CLIP2: variants seen among roughly 807,000 people sequenced by gnomAD.
CLIP2 encodes CAP-Gly domain-containing linker protein 2.
In CLIP2, 41 loss-of-function variants were observed where a neutral mutation model predicts 111.7. That is an observed-to-expected ratio of 0.37 (90% confidence interval 0.29 to 0.48). The LOEUF (loss-of-function observed/expected upper bound fraction) is 0.48, where lower values mean the gene tolerates loss of function less well. Among genes scored for constraint, CLIP2 ranks in the 20% least tolerant of loss-of-function variants. CLIP2 has a pLI of 0.99. For missense variants in CLIP2, 1,160 were observed against 1,422.1 expected (o/e 0.82, Z 2.96); for synonymous variants, 660 against 644.2 (o/e 1.02, Z -0.37).
chr7:74,383,950 G>A (rs1791012170), intron 11 of CLIP2, among the ~76,000 whole-genome samples: 1 of 152,080 alleles, frequency 6.6e-6, no homozygotes, highest in Non-Finnish European at 1.5e-5. Flanking sequence ...CTATCTCTGT[G>A]GATTTATCTA....
In CLIP2 at chr7:74,338,777, G is replaced by A; in HGVS notation, c.451G>A (p.Ala151Thr). 6.2e-7 allele frequency: 1 copy of A among 1,609,610 alleles called. No individual in the cohort carries two copies. The highest frequency in any genetic ancestry group is 2.2e-5 in the East Asian group (1 of 44,772). ...CTCCAAGCTGACCCGGCAGCCCACG[G>A]CCGAGGGCTCGGGGAGTGATGCCCA... Reference protein sequence around the residue: ...RPSKLTRQPTAEGSGSDAHSV... With the variant: ...RPSKLTRQPTTEGSGSDAHSV... The change falls in exon 3 of 17, where the codon GCC (alanine) becomes ACC (threonine). Residue 151 changes from alanine (A) to threonine (T), a missense_variant. Ala to Thr is a moderately conservative substitution (Grantham distance 58). This residue lies in a region of CLIP2 where 301 missense variants were observed against 315.2 expected (regional missense o/e 0.96). Coordinates refer to ENST00000223398, the MANE Select transcript of CLIP2 (RefSeq NM_003388.5). This position sits in a 1 kb window ranked among gnomAD's most constrained non-coding sequence, Gnocchi z 4.3.
intron 2 of CLIP2, among the ~76,000 whole-genome samples, chr7:74,326,591 C>T (rs555050779): frequency 1.3e-5 from 2 of 151,606 alleles, no homozygotes; most frequent in African/African-American, 4.8e-5. Context: ...CTCCTATATG[C>T]TATCCTCAGC....
At position 74,357,466 on chromosome 7, in the gene CLIP2, C is replaced by T. The variant is rs1554308712; in HGVS notation, c.1204C>T (p.Gln402Ter). ...VEKEIALLKA[Q>*]HEQYVAEAEE... The stretch of plus-strand genomic sequence containing the variant: ...GAAGGAGATTGCCCTGCTCAAGGCA[C>T]AGCATGAGCAGGTGAGTGGCAGGTG... The change falls in exon 6 of 17, where the codon CAG becomes TAG. Residue 402 changes from glutamine (Q) to a stop codon, truncating the protein, a stop_gained. Transcript: ENST00000223398. LOFTEE classifies it high-confidence loss of function. The T allele has an allele frequency of 1.2e-6, 2 of 1,612,314 alleles. No homozygotes were observed.
intron 2 of CLIP2, among the ~76,000 whole-genome samples, chr7:74,330,248 C>CTTTTTTTTTTTTTTTTTTTT (rs10635770): frequency 7.3e-6 from 1 of 136,470 alleles, no homozygotes; most frequent in Non-Finnish European, 1.6e-5. Context: ...TGTTTCTTTT[C>CTTTTTTTTTTTTTTTTTTTT]TTTTTTTTTT....
At chr7:74,330,318 G>A (rs1188428049) in intron 2 of CLIP2, among the ~76,000 whole-genome samples, 1 of 149,216 alleles carries the variant, frequency 6.7e-6, no homozygotes. Context: ...GTGCAGTGGC[G>A]CAATCTCGGC....
rs782577666 is a variant in CLIP2, at chr7:74,291,923, C to CTTTTT, written c.-68+2203_-68+2207dup. On this transcript the variant is annotated intron_variant, in intron 1 of 16. Transcript: ENST00000223398. Reference sequence around the variant, plus strand: ...CCACCCTGACAGTTGATCCTGCCCTCTTTTTTTTTTTTTTTTTTGAAATGG... The same window carrying CTTTTT: ...CCACCCTGACAGTTGATCCTGCCCTCTTTTTTTTTTTTTTTTTTTTTTTGAAATGG... Among the ~76,000 whole-genome samples the CTTTTT allele has an allele frequency of 3.7e-3, 491 of 132,818 alleles. 8 individuals are homozygous for CTTTTT. In the East Asian group the frequency reaches 0.042, roughly 11 times the overall value. The allele number at this position is 132,818 out of a possible 152,430, so 87.1% of individuals were successfully genotyped here.
chr7:74,337,267 C>G (rs1789500282), intron 2 of CLIP2, among the ~76,000 whole-genome samples: 1 of 151,990 alleles, frequency 6.6e-6, no homozygotes, highest in Non-Finnish European at 1.5e-5. Context: ...AGGGGGAGGC[C>G]CAGGAGAGAG....
intron 8 of CLIP2, among the ~76,000 whole-genome samples, chr7:74,369,854 C>CAAAA (rs58294211): frequency 1.1e-4 from 1 of 9,500 alleles, no homozygotes; most frequent in Non-Finnish European, 2.1e-4. Context: ...GACTCTGCCT[C>CAAAA]AAAAAAAAAA....
chr7:74,321,704 G>C (rs545952020), intron 2 of CLIP2, among the ~76,000 whole-genome samples: 2 of 151,924 alleles, frequency 1.3e-5, no homozygotes, highest in South Asian at 4.2e-4. Context: ...TCCTGGCCTT[G>C]TGATCCCCCC....
intron 1 of CLIP2, among the ~76,000 whole-genome samples, chr7:74,300,841 C>T (rs782551728): frequency 6.6e-5 from 10 of 152,174 alleles, no homozygotes; most frequent in Non-Finnish European, 1.2e-4. Context: ...TTGACGGACA[C>T]ATATGTTGAT....
chr7:74,306,222 C>T (rs1788484542), intron 1 of CLIP2, among the ~76,000 whole-genome samples: 2 of 152,074 alleles, frequency 1.3e-5, no homozygotes, highest in Admixed American at 6.5e-5. Flanking sequence ...GGGCTTGTGG[C>T]ATGTGGGCAG....
chr7:74,310,036 CAAAA>C (rs71094774), intron 1 of CLIP2, among the ~76,000 whole-genome samples: 1 of 92,490 alleles, frequency 1.1e-5, no homozygotes, highest in Non-Finnish European at 1.9e-5. Context: ...CCTGTCTCTA[CAAAA>C]AAAAAAAAAA....
chr7:74,335,900 G>A (rs1289126541), intron 2 of CLIP2, among the ~76,000 whole-genome samples: 2 of 150,600 alleles, frequency 1.3e-5, no homozygotes, highest in South Asian at 2.1e-4. Context: ...CCACCACCAC[G>A]CCTGACTAAT....
chr7:74,357,169 G>A (rs1410206759), intron 5 of CLIP2, 111 bp from the exon 6 acceptor site: 2 of 888,288 alleles, frequency 2.3e-6, no homozygotes, highest in African/African-American at 3.3e-5. Flanking sequence ...TGGGAGTCAA[G>A]GCACTTGGGC....
chr7:74,352,800 G>A (rs188043232), intron 3 of CLIP2, among the ~76,000 whole-genome samples: 35 of 151,914 alleles, frequency 2.3e-4, no homozygotes, highest in African/African-American at 2.4e-5. Context: ...CTTGAAGCCC[G>A]GAGTTCCAGA....
intron 9 of CLIP2, 98 bp from the exon 10 acceptor site, chr7:74,375,789 C>T (rs912503127): frequency 5.8e-6 from 6 of 1,041,474 alleles, no homozygotes; most frequent in South Asian, 3.4e-5. Flanking sequence ...CTGGTGCCCT[C>T]GAATGGACGC....
Position 74,400,800 on chromosome 7 carries a change from G to A in CLIP2, c.3066+245G>A, listed in dbSNP as rs1374789013. On this transcript the variant is annotated intron_variant, in intron 15 of 16. Transcript: ENST00000223398. ...GGAGGCAGCCCTGTCTCAGGAACCC[G>A]GGTCTGAATGGGGAGGTAGCTCTGT... 4.2e-5 allele frequency among the ~76,000 whole-genome samples: 6 copies of A among 143,646 alleles called. No homozygotes were observed. In the East Asian group the frequency reaches 1.1e-3, roughly 26 times the overall value. The allele number at this position is 143,646 out of a possible 152,430, so 94.2% of individuals were successfully genotyped here. A position where few individuals can be genotyped will look rare whatever the true frequency, so the allele number is the denominator to read the frequency against.
At chr7:74,332,423 A>C (rs1368374863) in intron 2 of CLIP2, among the ~76,000 whole-genome samples, 1 of 147,204 alleles carries the variant, frequency 6.8e-6, no homozygotes, top group Non-Finnish European at 1.5e-5. Context: ...GCTGGATTGC[A>C]GTGGTGGGAT....
At position 74,376,279 on chromosome 7, in the gene CLIP2, G is replaced by A; in HGVS notation, c.1878G>A (p.Lys626=). 6.2e-7 allele frequency: 1 copy of A among 1,613,402 alleles called. No individual in the cohort carries two copies. Among genetic ancestry groups the A allele is most frequent in the East Asian group, 2.2e-5 (1 of 44,854 alleles). ...KLDSLASDHQ[K]SLEDLKATLN... is the part of the protein sequence containing the mutation. ...ACTCGCTGGCCTCGGACCACCAGAAGTCCCTGGAGGACCTCAAAGCCACCC... is the reference window on the plus strand; with the variant it reads ...ACTCGCTGGCCTCGGACCACCAGAAATCCCTGGAGGACCTCAAAGCCACCC... Residue 626 remains lysine, a synonymous_variant, in exon 10 of 17, where the codon AAG becomes AAA. Transcript: ENST00000223398. This position sits in a 1 kb window ranked among gnomAD's most constrained non-coding sequence, Gnocchi z 7.1.
Sources: gnomAD v4.1 joint callset for allele counts (sites outside exome capture counted in the v4.1 genomes callset) on GRCh38, gnomAD v4.1.1 for gene constraint, gnomAD v4.1.1 regional missense constraint, Gnocchi (gnomAD v3.1) non-coding constraint, MANE v1.5 for transcripts, NCBI Gene and HGNC (gene_info 2026-07-23, HGNC 2026-07-21) for gene names.